Variants in PARD3B observed in about 807,000 individuals in gnomAD.
PARD3B encodes par-3 family cell polarity regulator beta.
A neutral mutation model predicts 130.2 loss-of-function variants in PARD3B; 103 were observed. The observed-to-expected ratio is 0.79, with a 90% CI of 0.67 to 0.93. PARD3B has a LOEUF of 0.93. PARD3B is among the 40% of genes least tolerant of loss of function. The pLI is 0.00. For synonymous variants in PARD3B, 583 were observed against 553.2 expected, an observed-to-expected ratio of 1.05 and a Z score of -0.76; for missense variants, 1,609 against 1,499.2, an observed-to-expected ratio of 1.07 and a Z score of -1.21.
intron 1 of PARD3B, among the ~76,000 whole-genome samples, chr2:204,547,570 A>G (rs938642930): frequency 6.6e-6 from 1 of 152,248 alleles, no homozygotes; most frequent in African/African-American, 2.4e-5. Context: ...ACAAGTAACC[A>G]ATTGTCTATT....
rs1248265643 is a variant in PARD3B, at chr2:205,346,015, CA to C, written c.2630+44320del. On this transcript the variant is annotated intron_variant, in intron 18 of 22. Transcript: ENST00000406610. ...GTGAAACCCTGTCTCTACTAAAATA[CA>C]AAAAATTAGCCGGGCGTGGTGGCGC... Among the ~76,000 whole-genome samples the C allele has an allele frequency of 2.3e-4, 28 of 120,210 alleles. 3 individuals carry two copies. Among genetic ancestry groups the C allele is most frequent in the Middle Eastern group, 8.0e-3 (2 of 250 alleles). The allele number at this position is 120,210 out of a possible 152,430, so 78.9% of individuals were successfully genotyped here.
At chr2:204,852,109 A>G (rs569837075) in intron 2 of PARD3B, among the ~76,000 whole-genome samples, 1 of 152,324 alleles carries the variant, frequency 6.6e-6, no homozygotes, top group African/African-American at 2.4e-5. Flanking sequence ...GTAGTGTGTA[A>G]CAAATGACTG....
chr2:205,126,585 C>CAA (rs139718789), intron 10 of PARD3B, among the ~76,000 whole-genome samples: 48 of 144,498 alleles, frequency 3.3e-4, no homozygotes, highest in African/African-American at 9.4e-4. Flanking sequence ...ACTAAAAATA[C>CAA]AAAAAAAAAA....
At chr2:205,212,536 G>T (rs907910060) in intron 15 of PARD3B, among the ~76,000 whole-genome samples, 2 of 152,100 alleles carry the variant, frequency 1.3e-5, no homozygotes, top group Admixed American at 1.3e-4. Flanking sequence ...TGGGACACGT[G>T]GAGCAATGCT....
chr2:204,912,855 A>G (rs896550753), intron 2 of PARD3B, among the ~76,000 whole-genome samples: 4 of 152,114 alleles, frequency 2.6e-5, no homozygotes, highest in Admixed American at 2.6e-4. Context: ...TTATCCTTAC[A>G]TTTATCAGGA....
chr2:205,200,224 A>G (rs2036913747), intron 15 of PARD3B, among the ~76,000 whole-genome samples: 2 of 152,188 alleles, frequency 1.3e-5, no homozygotes, highest in Non-Finnish European at 2.9e-5. Flanking sequence ...TCTCATTGTC[A>G]CCTTGGAGAA....
At chr2:204,949,036 A>G (rs1462193002) in intron 2 of PARD3B, among the ~76,000 whole-genome samples, 1 of 152,204 alleles carries the variant, frequency 6.6e-6, no homozygotes, top group South Asian at 2.1e-4. Context: ...AAAGGATACC[A>G]CAGAATGGCA....
Position 205,364,117 on chromosome 2 carries a change from A to G in PARD3B, c.2631-36896A>G, listed in dbSNP as rs114882696. Among the ~76,000 whole-genome samples, 144 of 152,198 alleles carry G rather than the reference A, an allele frequency of 9.5e-4. 1 individual carries two copies. The highest frequency in any genetic ancestry group is 2.6e-3 in the Admixed American group (40 of 15,292). On this transcript the variant is annotated intron_variant, in intron 18 of 22. Coordinates refer to ENST00000406610, the MANE Select transcript of PARD3B (RefSeq NM_001302769.2). ...AGGAATTCCTAGAGATCCCTAAGTAATCAACCATGCCAGAGTAACAGGATA... is the reference window on the plus strand; with the variant it reads ...AGGAATTCCTAGAGATCCCTAAGTAGTCAACCATGCCAGAGTAACAGGATA...
intron 3 of PARD3B, among the ~76,000 whole-genome samples, chr2:204,984,741 A>G (rs1478388612): frequency 6.6e-6 from 1 of 152,002 alleles, no homozygotes; most frequent in African/African-American, 2.4e-5. Flanking sequence ...GTGAGACTGG[A>G]ATCCCCATTT....
chr2:205,595,504 A>G (rs1210541396), intron 22 of PARD3B, among the ~76,000 whole-genome samples: 1 of 152,208 alleles, frequency 6.6e-6, no homozygotes, highest in Non-Finnish European at 1.5e-5. Flanking sequence ...GCTTTTATTT[A>G]AATTATTAAA....
At chr2:205,075,723 T>C (rs1180761964) in intron 4 of PARD3B, among the ~76,000 whole-genome samples, 1 of 151,460 alleles carries the variant, frequency 6.6e-6, no homozygotes, top group Non-Finnish European at 1.5e-5. Context: ...ACATTTTTTC[T>C]GATACAATCA....
chr2:205,040,839 A>C (rs943055886), intron 3 of PARD3B, among the ~76,000 whole-genome samples: 2 of 151,814 alleles, frequency 1.3e-5, no homozygotes, highest in African/African-American at 4.8e-5. Flanking sequence ...CAAACTGTCC[A>C]ACTGTTTTGG....
intron 19 of PARD3B, among the ~76,000 whole-genome samples, chr2:205,436,071 A>C (rs2047503870): frequency 6.6e-6 from 1 of 152,202 alleles, no homozygotes; most frequent in African/African-American, 2.4e-5. Context: ...GGTGCTGCCT[A>C]GGTTTCCTCA....
intron 2 of PARD3B, among the ~76,000 whole-genome samples, chr2:204,861,445 C>T (rs1202889986): frequency 6.6e-5 from 10 of 152,076 alleles, no homozygotes; most frequent in Non-Finnish European, 1.5e-5. Context: ...TATACATATT[C>T]TTAATAGTTA....
chr2:204,885,033 A>G (rs1180175650), intron 2 of PARD3B, among the ~76,000 whole-genome samples: 4 of 152,178 alleles, frequency 2.6e-5, no homozygotes, highest in Non-Finnish European at 5.9e-5. Flanking sequence ...TTCTGCCTCT[A>G]GCTCTTTGAA....
chr2:204,553,675 T>TCC (rs1421409996), intron 1 of PARD3B, among the ~76,000 whole-genome samples: 28 of 119,600 alleles, frequency 2.3e-4, no homozygotes, highest in Non-Finnish European at 4.9e-5. Context: ...TATATATATA[T>TCC]ATATATATAT....
Position 205,397,424 on chromosome 2 carries a change from T to C in PARD3B, c.2631-3589T>C, listed in dbSNP as rs2105998981. On this transcript the variant is annotated intron_variant, in intron 18 of 22. Coordinates refer to ENST00000406610, the MANE Select transcript of PARD3B (RefSeq NM_001302769.2). The surrounding 1 kb of genome is among the most constrained non-coding windows in gnomAD (Gnocchi z 4.8). The stretch of plus-strand genomic sequence containing the variant: ...TTGCAGAATTTACTTTCAACTAACA[T>C]GTTTTTTTTCTTACCAAACATATTC... Among the ~76,000 whole-genome samples the C allele has an allele frequency of 6.6e-6, 1 of 152,234 alleles. No homozygotes were observed. The highest frequency in any genetic ancestry group is 2.1e-4 in the South Asian group (1 of 4,826).
At chr2:205,539,727 A>G (rs2052037904) in intron 21 of PARD3B, among the ~76,000 whole-genome samples, 1 of 152,214 alleles carries the variant, frequency 6.6e-6, no homozygotes, top group African/African-American at 2.4e-5. Context: ...CACTGAACAC[A>G]GTTCTCCAGA....
chr2:205,600,541 G>A (rs941639929), intron 22 of PARD3B, among the ~76,000 whole-genome samples: 1 of 152,140 alleles, frequency 6.6e-6, no homozygotes, highest in East Asian at 1.9e-4. Flanking sequence ...TGTGCAGGAC[G>A]TGCAAGTTTG....
Sources: allele counts gnomAD v4.1 joint callset (sites outside exome capture counted in the v4.1 genomes callset), GRCh38; gene constraint gnomAD v4.1.1; non-coding constraint Gnocchi (gnomAD v3.1); transcripts MANE v1.5; gene names NCBI Gene and HGNC (gene_info 2026-07-23, HGNC 2026-07-21).